The following ZFYVE19 variants were observed in gnomAD, a reference collection of about 807,000 sequenced individuals.
ZFYVE19 encodes abscission/NoCut checkpoint regulator.
Under a neutral mutation model 62.8 loss-of-function variants are expected in ZFYVE19, and 49 were observed. The ratio of observed to expected loss-of-function variants is 0.78; its 90% confidence interval spans 0.62 to 0.99. The LOEUF (loss-of-function observed/expected upper bound fraction) is 0.99, where lower values mean the gene tolerates loss of function less well. Among genes scored for constraint, ZFYVE19 ranks in the 50% least tolerant of loss-of-function variants. The pLI, the probability that ZFYVE19 is intolerant of heterozygous loss-of-function variation, is 0.00. For missense variants in ZFYVE19, 630 were observed against 601.9 expected (o/e 1.05, Z -0.49); for synonymous variants, 242 against 234.3 (o/e 1.03, Z -0.30).
Position 40,814,328 on chromosome 15 carries a change from G to C in ZFYVE19, c.*102G>C. On this transcript the variant is annotated 3_prime_UTR_variant, in exon 11 of 11. Coordinates refer to ENST00000355341, the MANE Select transcript of ZFYVE19 (RefSeq NM_001077268.2). ...ATGGGAGAGCTTGTCTGGCTCTACTGATGATGGATAGGCCCCTTCCTGAGC... is the reference window on the plus strand; with the variant it reads ...ATGGGAGAGCTTGTCTGGCTCTACTCATGATGGATAGGCCCCTTCCTGAGC... 1.5e-6 allele frequency: 2 copies of C among 1,320,206 alleles called. No individual in the cohort carries two copies. The highest frequency in any genetic ancestry group is 1.2e-5 in the South Asian group (1 of 80,248). 81.8% of individuals were successfully genotyped at this position (1,320,206 alleles called of 1,614,324 possible). A position where few individuals can be genotyped will look rare whatever the true frequency, so the allele number is the denominator to read the frequency against.
At chr15:40,808,403 A>G in intron 1 of ZFYVE19, 1 of 1,593,970 alleles carries the variant, frequency 6.3e-7, no homozygotes, top group Non-Finnish European at 8.5e-7. Context: ...AGTTGTGGCC[A>G]GGGATTCTGA....
At chr15:40,810,041 C>T in intron 4 of ZFYVE19, 30 bp from the exon 5 acceptor site, 1 of 1,614,144 alleles carries the variant, frequency 6.2e-7, no homozygotes, top group East Asian at 2.2e-5. Context: ...GCCTCTGGCC[C>T]TTACAAGGCT....
At chr15:40,811,938 T>G (rs974403344) in intron 6 of ZFYVE19, among the ~76,000 whole-genome samples, 1 of 152,182 alleles carries the variant, frequency 6.6e-6, no homozygotes, top group Non-Finnish European at 1.5e-5. Context: ...ATATACAAGC[T>G]CTTAGCTTCC....
intron 6 of ZFYVE19, 145 bp from the exon 7 acceptor site, chr15:40,812,554 A>G (rs1890521814): frequency 1.5e-6 from 1 of 664,142 alleles, no homozygotes; most frequent in Non-Finnish European, 2.3e-6. Context: ...TCAAAAAAAA[A>G]AAAAAAGAAA....
At chr15:40,811,714 A>G (rs1318744599) in intron 6 of ZFYVE19, among the ~76,000 whole-genome samples, 1 of 152,256 alleles carries the variant, frequency 6.6e-6, no homozygotes, top group Non-Finnish European at 1.5e-5. Context: ...TGTTTAAAAA[A>G]AAAATCTTAT....
Position 40,814,235 on chromosome 15 carries a change from T to C in ZFYVE19, c.*9T>C. On this transcript the variant is annotated 3_prime_UTR_variant, in exon 11 of 11. Coordinates refer to ENST00000355341, the MANE Select transcript of ZFYVE19 (RefSeq NM_001077268.2). ...CAGGCCAAGAGCACTGAAGACACCC[T>C]GGTCCTCCCGGAAGGGCAGTCCCAC... 1 of 1,614,068 alleles carries C rather than the reference T, an allele frequency of 6.2e-7. No individual in the cohort carries two copies. The highest frequency in any genetic ancestry group is 2.2e-5 in the East Asian group (1 of 44,888).
chr15:40,812,075 G>A (rs544579718), intron 6 of ZFYVE19, among the ~76,000 whole-genome samples: 16 of 152,298 alleles, frequency 1.1e-4, no homozygotes, highest in South Asian at 2.1e-4. Context: ...ACCATAGGAC[G>A]CCCACCCTTA....
Position 40,814,185 on chromosome 15 carries a change from A to G in ZFYVE19, c.1375A>G (p.Thr459Ala). 2.5e-6 allele frequency: 4 copies of G among 1,614,164 alleles called. No individual in the cohort carries two copies. Among genetic ancestry groups the G allele is most frequent in the Non-Finnish European group, 3.4e-6 (4 of 1,180,026 alleles). ...TGCCTTTGAGCTTAAAGAGCACCAGACATCTGCCTACTCTCCTCCACGTGC... is the reference window on the plus strand; with the variant it reads ...TGCCTTTGAGCTTAAAGAGCACCAGGCATCTGCCTACTCTCCTCCACGTGC... The part of the protein sequence containing the change: ...HDAFELKEHQ[T>A]SAYSPPRAGQ... Residue 459 changes from threonine to alanine, a missense_variant, in exon 11 of 11, where the codon ACA becomes GCA. Physicochemically the swap from Thr to Ala is moderately conservative, Grantham distance 58. Transcript: ENST00000355341.
intron 1 of ZFYVE19, chr15:40,808,422 T>C (rs761591114): frequency 3.8e-6 from 6 of 1,589,192 alleles, no homozygotes; most frequent in Non-Finnish European, 5.1e-6. Flanking sequence ...GACCAGGAGA[T>C]GATGGGAACT....
chr15:40,813,731 C>T lies in ZFYVE19; in HGVS notation c.1129C>T (p.Leu377=), dbSNP rs1890572814. 1 of 1,613,964 alleles carries T rather than the reference C, an allele frequency of 6.2e-7. No homozygotes were observed. The highest frequency in any genetic ancestry group is 8.5e-7 in the Non-Finnish European group (1 of 1,179,968). ...TCCGCAGCTCACTGAAGAAGCTTCC[C>T]TGGATGAGGCAAGTGGCTTTAACAT... ...VLQQLTEEAS[L]DEASGFNIPA... is the part of the protein sequence containing the mutation. The change falls in exon 9 of 11, where the codon CTG becomes TTG. Residue 377 remains leucine, a synonymous_variant. Coordinates refer to ENST00000355341, the MANE Select transcript of ZFYVE19 (RefSeq NM_001077268.2).
rs990309150 is a variant in ZFYVE19, at chr15:40,809,471, G to T, written c.452+13G>T. ...AGAACTATAAGAAGTAAGTGCTGAA[G>T]AGAAAAAGACAAAGAGCATTGGGGA... is the stretch of plus-strand genomic sequence containing the variant. On this transcript the variant is annotated intron_variant, in intron 3 of 10. Transcript: ENST00000355341. 1.2e-5 allele frequency: 19 copies of T among 1,613,834 alleles called. No homozygotes were observed. Among genetic ancestry groups the T allele is most frequent in the Non-Finnish European group, 1.7e-6 (2 of 1,179,890 alleles).
At position 40,807,907 on chromosome 15, in the gene ZFYVE19, G is replaced by A. The variant is rs1890319336; in HGVS notation, c.279+39G>A. The stretch of plus-strand genomic sequence containing the variant: ...CCCCGAGGGCTGCAGGGCCAGGGAG[G>A]AGAGGAGGGAAAAGCGCGGGACTTA... On this transcript the variant is annotated intron_variant, in intron 1 of 10. Coordinates refer to ENST00000355341, the MANE Select transcript of ZFYVE19 (RefSeq NM_001077268.2). The A allele has an allele frequency of 1.9e-6, 3 of 1,553,490 alleles. No individual in the cohort carries two copies. In the African/African-American group the frequency reaches 4.1e-5, roughly 21 times the overall value.
intron 1 of ZFYVE19, chr15:40,808,670 G>A (rs893120978): frequency 5.7e-6 from 2 of 348,404 alleles, no homozygotes; most frequent in African/African-American, 4.2e-5. Flanking sequence ...TGAATGTTAA[G>A]TACTGGGTTT....
chr15:40,814,068 C>T lies in ZFYVE19; in HGVS notation c.1335C>T (p.Phe445=), dbSNP rs1473803856. ...CDGDLFCARC[F]REGHDAFELK... is the part of the protein sequence containing the mutation. ...GGGACCTCTTCTGTGCCCGCTGCTT[C>T]CGGTGGGTGCAGGTGGAATGTTCTG... The change falls in exon 10 of 11, where the codon TTC becomes TTT. Residue 445 remains phenylalanine, a splice_region_variant and synonymous_variant. Coordinates refer to ENST00000355341, the MANE Select transcript of ZFYVE19 (RefSeq NM_001077268.2). The T allele has an allele frequency of 2.5e-6, 4 of 1,614,084 alleles. No individual in the cohort carries two copies. In the Middle Eastern group the frequency reaches 5.0e-4, roughly 200 times the overall value.
In ZFYVE19 at chr15:40,810,213, G is replaced by A. The variant is rs1226190914; in HGVS notation, c.714G>A (p.Gln238=). The A allele has an allele frequency of 6.2e-7, 1 of 1,614,060 alleles. No individual in the cohort carries two copies. The highest frequency in any genetic ancestry group is 8.5e-7 in the Non-Finnish European group (1 of 1,180,038). Residue 238 remains glutamine, a synonymous_variant, in exon 5 of 11, where the codon CAG becomes CAA. Coordinates refer to ENST00000355341, the MANE Select transcript of ZFYVE19 (RefSeq NM_001077268.2). ...QGRVLPSQTP[Q]PAHHTPDTRT... ...GAGTTCTACCTTCTCAAACCCCCCA[G>A]CCGGTGAGTGTTATGGCTTAGGAGA...
In ZFYVE19 at chr15:40,810,617, T is replaced by G. The variant is rs776256282; in HGVS notation, c.718-32T>G. On this transcript the variant is annotated intron_variant, in intron 5 of 10. Coordinates refer to ENST00000355341, the MANE Select transcript of ZFYVE19 (RefSeq NM_001077268.2). The stretch of plus-strand genomic sequence containing the variant: ...ACCTAGACTGCTTCTGGGCTACCCC[T>G]GCTCTCCACTGAGGTTTCCTCGTCT... 7 of 1,551,938 alleles carry G rather than the reference T, an allele frequency of 4.5e-6. No homozygotes were observed. The African/African-American group carries it at 9.6e-5, about 21-fold the overall frequency.
At chr15:40,813,862 C>G in intron 9 of ZFYVE19, 51 bp downstream of exon 9, 1 of 1,596,780 alleles carries the variant, frequency 6.3e-7, no homozygotes, top group Non-Finnish European at 8.5e-7. Flanking sequence ...GCCTTGCTTC[C>G]TGCCTGGCTG....
intron 1 of ZFYVE19, 155 bp downstream of exon 1, chr15:40,808,023 C>A: frequency 9.1e-7 from 1 of 1,101,166 alleles, no homozygotes; most frequent in Non-Finnish European, 1.3e-6. Flanking sequence ...TAAAATGGGG[C>A]TAACATTCTC....
intron 8 of ZFYVE19, 75 bp downstream of exon 8, chr15:40,813,492 G>T (rs1890564366): frequency 1.4e-6 from 2 of 1,467,860 alleles, no homozygotes; most frequent in Admixed American, 2.0e-5. Flanking sequence ...CTGGGGCTGG[G>T]TGGACAGTAA....
Sources: allele counts gnomAD v4.1 joint callset (sites outside exome capture counted in the v4.1 genomes callset), GRCh38; gene constraint gnomAD v4.1.1; transcripts MANE v1.5; gene names NCBI Gene and HGNC (gene_info 2026-07-23, HGNC 2026-07-21).